The following DNA2 variants were observed in gnomAD, a reference collection of about 807,000 sequenced individuals.
The protein encoded by DNA2 is DNA replication ATP-dependent helicase/nuclease DNA2.
DNA2 carries 101 observed loss-of-function variants against 119.1 expected under a neutral mutation model. The ratio of observed to expected loss-of-function variants is 0.85; its 90% confidence interval spans 0.72 to 1.00. The LOEUF is 1.00. Among genes scored for constraint, DNA2 ranks in the 50% least tolerant of loss-of-function variants. The probability of loss-of-function intolerance (pLI) is 0.00; values close to 1 mark genes in which losing one functional copy is unlikely to be tolerated. For synonymous variants in DNA2, 366 were observed against 424.4 expected (o/e 0.86, Z 1.69); for missense variants, 1,121 against 1,255.5 (o/e 0.89, Z 1.62).
intron 9 of DNA2, among the ~76,000 whole-genome samples, chr10:68,439,483 C>T (rs1478264071): frequency 6.6e-6 from 1 of 152,076 alleles, no homozygotes; most frequent in Non-Finnish European, 1.5e-5. Flanking sequence ...GCTGGATCAC[C>T]ACGAGATCAG....
chr10:68,456,937 A>C (rs949256040), intron 5 of DNA2, among the ~76,000 whole-genome samples: 1 of 151,784 alleles, frequency 6.6e-6, no homozygotes, highest in Non-Finnish European at 1.5e-5. Flanking sequence ...GATCGAGACC[A>C]TCCTGGCTAA....
At chr10:68,452,993 C>T (rs777160637) in intron 5 of DNA2, among the ~76,000 whole-genome samples, 4 of 151,774 alleles carry the variant, frequency 2.6e-5, no homozygotes, top group East Asian at 1.9e-4. Context: ...TTCCACCTCC[C>T]GGGTTCAAGC....
intron 3 of DNA2, among the ~76,000 whole-genome samples, chr10:68,466,580 C>CT (rs71977657): frequency 0.094 from 12,919 of 137,388 alleles, 816 homozygotes; most frequent in South Asian, 0.24. Flanking sequence ...TAGCCTAGAC[C>CT]TTTTTTTTTT....
intron 14 of DNA2, among the ~76,000 whole-genome samples, chr10:68,428,529 T>G (rs1170272714): frequency 6.6e-6 from 1 of 152,220 alleles, no homozygotes; most frequent in East Asian, 1.9e-4. Context: ...CATGATTGTT[T>G]ACAGCAGCTT....
At chr10:68,435,149 G>A (rs1437658849) in intron 10 of DNA2, among the ~76,000 whole-genome samples, 1 of 151,842 alleles carries the variant, frequency 6.6e-6, no homozygotes, top group Non-Finnish European at 1.5e-5. Flanking sequence ...AACCTCCTGG[G>A]CTCAACTGAT....
intron 17 of DNA2, among the ~76,000 whole-genome samples, chr10:68,421,183 C>A (rs1053304243): frequency 4.6e-5 from 7 of 151,934 alleles, no homozygotes; most frequent in Non-Finnish European, 8.8e-5. Flanking sequence ...TGATCCACCC[C>A]CCTCGGCCTC....
chr10:68,438,605 T>A (rs1472014082), intron 9 of DNA2, among the ~76,000 whole-genome samples: 3 of 152,164 alleles, frequency 2.0e-5, no homozygotes, highest in Non-Finnish European at 4.4e-5. Flanking sequence ...AGTATTTATA[T>A]ATGTATGACA....
At chr10:68,451,440 CT>C (rs2052116838) in intron 5 of DNA2, among the ~76,000 whole-genome samples, 1 of 152,112 alleles carries the variant, frequency 6.6e-6, no homozygotes, top group African/African-American at 2.4e-5. Flanking sequence ...CAAACCTCCT[CT>C]CTTATCTAAG....
chr10:68,429,993 C>T (rs1226540022), intron 14 of DNA2, among the ~76,000 whole-genome samples: 2 of 150,346 alleles, frequency 1.3e-5, no homozygotes, highest in East Asian at 2.0e-4. Flanking sequence ...AACGATTCTC[C>T]GTGCCTCAGC....
In DNA2 at chr10:68,463,080, C is replaced by T. The variant is rs12414330; in HGVS notation, c.587+2587G>A. Among the ~76,000 whole-genome samples, 452 of 151,538 alleles carry T rather than the reference C, an allele frequency of 3.0e-3. 8 individuals are homozygous for T. Among genetic ancestry groups the T allele is most frequent in the Admixed American group, 0.024 (360 of 15,172 alleles). On this transcript the variant is annotated intron_variant, in intron 4 of 20. Coordinates refer to ENST00000358410, the MANE Select transcript of DNA2 (RefSeq NM_001080449.3). ...CTGGGAGACAGAGGTTGCAATGAGC[C>T]GAGATCACGGTGCTGTACTCCAGCC... is the stretch of plus-strand genomic sequence containing the variant.
At chr10:68,417,391 C>CAAAAAAAA (rs35777569) in intron 19 of DNA2, among the ~76,000 whole-genome samples, 8 of 77,478 alleles carry the variant, frequency 1.0e-4, no homozygotes, top group Non-Finnish European at 1.2e-4. Flanking sequence ...ATAAGAAAAC[C>CAAAAAAAA]AAAAAAAAAA....
Position 68,414,743 on chromosome 10 carries a change from T to C in DNA2, c.*296A>G, listed in dbSNP as rs908591462. The C allele has an allele frequency of 2.2e-5, 6 of 266,988 alleles. No individual in the cohort carries two copies. The highest frequency in any genetic ancestry group is 1.1e-4 in the African/African-American group (5 of 45,748). 16.5% of individuals were successfully genotyped at this position (266,988 alleles called of 1,614,324 possible). On this transcript the variant is annotated 3_prime_UTR_variant, in exon 21 of 21. Coordinates refer to ENST00000358410, the MANE Select transcript of DNA2 (RefSeq NM_001080449.3). ...TATTCAGTCTTTCAAATAAAGTTCT[T>C]ACAATGATATCTACAAAATCAAATT...
At chr10:68,461,626 T>C (rs7895330) in intron 4 of DNA2, 27,069 of 151,924 alleles carry the variant, frequency 0.18, 2,937 homozygotes, top group African/African-American at 0.31. Flanking sequence ...GTTGGGAGTT[T>C]GAGATCAGCC....
At chr10:68,432,585 C>A in intron 10 of DNA2, 75 bp from the exon 11 acceptor site, 1 of 846,016 alleles carries the variant, frequency 1.2e-6, no homozygotes. Flanking sequence ...CTGCTATCTG[C>A]TAAAAGAATG....
chr10:68,415,396 C>G (rs1341874679), intron 20 of DNA2, among the ~76,000 whole-genome samples: 1 of 151,924 alleles, frequency 6.6e-6, no homozygotes, highest in Non-Finnish European at 1.5e-5. Flanking sequence ...CCTGCCTCAG[C>G]CTCCCGAGTA....
chr10:68,445,405 G>A (rs1202028071), intron 7 of DNA2, among the ~76,000 whole-genome samples: 2 of 152,056 alleles, frequency 1.3e-5, no homozygotes, highest in African/African-American at 2.4e-5. Flanking sequence ...GGAGATTGCA[G>A]GGAGCTGAGA....
chr10:68,427,353 C>CAA (rs796313197), intron 14 of DNA2, among the ~76,000 whole-genome samples: 149 of 142,488 alleles, frequency 1.0e-3, no homozygotes, highest in African/African-American at 3.5e-3. Context: ...GTGTCAAAAA[C>CAA]AAAAAAAAAA....
At position 68,414,234 on chromosome 10, in the gene DNA2, A is replaced by C. The variant is rs1190534883; in HGVS notation, c.*805T>G. On this transcript the variant is annotated 3_prime_UTR_variant, in exon 21 of 21. Transcript: ENST00000358410. ...AATCTGTTACCCCAAGAATCTTTTAACCTTTGTTAAAATCTGTTACTTTTT... is the reference window on the plus strand; with the variant it reads ...AATCTGTTACCCCAAGAATCTTTTACCCTTTGTTAAAATCTGTTACTTTTT... 1 of 151,902 alleles carries C rather than the reference A, an allele frequency of 6.6e-6. No individual in the cohort carries two copies. Among genetic ancestry groups the C allele is most frequent in the East Asian group, 1.9e-4 (1 of 5,196 alleles). The allele number at this position is 151,902 out of a possible 1,614,324, so 9.4% of individuals were successfully genotyped here.
chr10:68,422,570 G>T lies in DNA2; in HGVS notation c.2437C>A (p.Leu813Met). 6.2e-7 allele frequency: 1 copy of T among 1,613,952 alleles called. No individual in the cohort carries two copies. The highest frequency in any genetic ancestry group is 8.5e-7 in the Non-Finnish European group (1 of 1,179,878). Residue 813 changes from leucine to methionine, a missense_variant, in exon 16 of 21, where the codon CTG becomes ATG. Physicochemically the swap from Leu to Met is conservative, Grantham distance 15. Transcript: ENST00000358410. ...LGMSESLFKRLEQNKSAVVQL... is the reference protein window; with the variant it reads ...LGMSESLFKRMEQNKSAVVQL... ...ACAACAGCACTCTTATTCTGCTCCA[G>T]CCTCTTGAATAAGCTTTCACTCATG...
Sources: gnomAD v4.1 joint callset for allele counts (sites outside exome capture counted in the v4.1 genomes callset) on GRCh38, gnomAD v4.1.1 for gene constraint, MANE v1.5 for transcripts, NCBI Gene and HGNC (gene_info 2026-07-23, HGNC 2026-07-21) for gene names.